HSPA12A: variants seen among roughly 807,000 people sequenced by gnomAD.
HSPA12A encodes the protein heat shock protein family A (Hsp70) member 12A.
Under a neutral mutation model 69.2 loss-of-function variants are expected in HSPA12A, and 28 were observed. The ratio of observed to expected loss-of-function variants is 0.40; its 90% CI spans 0.30 to 0.55. The LOEUF (loss-of-function observed/expected upper bound fraction) is 0.55. Ranked by LOEUF, HSPA12A falls within the 20% of genes least tolerant of loss-of-function variation. The probability of loss-of-function intolerance (pLI) is 0.38; values close to 1 mark genes in which losing one functional copy is unlikely to be tolerated. For missense variants in HSPA12A, 686 were observed against 900.7 expected, an observed-to-expected ratio of 0.76 and a Z score of 3.05; for synonymous variants, 345 against 370.5, an observed-to-expected ratio of 0.93 and a Z score of 0.79.
chr10:116,836,973 C>A (rs1313637604), intron 1 of HSPA12A, among the ~76,000 whole-genome samples: 1 of 152,106 alleles, frequency 6.6e-6, no homozygotes, highest in Non-Finnish European at 1.5e-5. Context: ...TATACACTAT[C>A]TTTATCTAGG....
intron 2 of HSPA12A, among the ~76,000 whole-genome samples, chr10:116,760,406 T>A (rs782561998): frequency 6.6e-6 from 1 of 151,984 alleles, no homozygotes; most frequent in Non-Finnish European, 1.5e-5. Context: ...GAACCCAGGA[T>A]CAAGAGTCAG....
chr10:116,716,806 T>C (rs1850620865), intron 1 of HSPA12A, among the ~76,000 whole-genome samples: 1 of 152,086 alleles, frequency 6.6e-6, no homozygotes, highest in South Asian at 2.1e-4. Flanking sequence ...GAAGTGAGAA[T>C]TGGTATTCTC....
At chr10:116,774,487 A>C (rs1844287865) in intron 2 of HSPA12A, among the ~76,000 whole-genome samples, 1 of 152,148 alleles carries the variant, frequency 6.6e-6, no homozygotes, top group African/African-American at 2.4e-5. Context: ...ACTGACCCAG[A>C]GACTCTGGGT....
chr10:116,692,522 A>G, intron 5 of HSPA12A, 55 bp from the exon 6 acceptor site: 1 of 1,415,252 alleles, frequency 7.1e-7, no homozygotes, highest in South Asian at 1.2e-5. Context: ...TTCCTGGAGC[A>G]GCCTCCTGTG....
intron 4 of HSPA12A, among the ~76,000 whole-genome samples, 157 bp from the exon 5 acceptor site, chr10:116,698,896 A>G (rs1415110668): frequency 6.6e-6 from 1 of 152,070 alleles, no homozygotes; most frequent in East Asian, 1.9e-4. Context: ...GCATCCCCCA[A>G]AATGGGGGCT....
intron 2 of HSPA12A, chr10:116,750,442 TG>T (rs1851749068): frequency 3.4e-6 from 2 of 587,262 alleles, no homozygotes; most frequent in Admixed American, 4.7e-5. Context: ...AATGATTCCC[TG>T]GTTATGATTT....
intron 1 of HSPA12A, among the ~76,000 whole-genome samples, chr10:116,714,155 A>G (rs1350587171): frequency 6.6e-6 from 1 of 151,990 alleles, no homozygotes; most frequent in Non-Finnish European, 1.5e-5. Context: ...GGATGGATGG[A>G]TGAATGGATG....
chr10:116,747,500 A>G (rs1292708042), upstream of HSPA12A, among the ~76,000 whole-genome samples: 3 of 152,230 alleles, frequency 2.0e-5, no homozygotes, highest in African/African-American at 7.2e-5. Flanking sequence ...AAACTGAGAC[A>G]AAGGTTCAGA....
intron 2 of HSPA12A, among the ~76,000 whole-genome samples, chr10:116,786,196 G>T (rs1844573512): frequency 6.6e-6 from 1 of 152,214 alleles, no homozygotes; most frequent in Admixed American, 6.5e-5. Context: ...GGAAGGCAGG[G>T]CTCCCAGGGG....
At position 116,683,770 on chromosome 10, in the gene HSPA12A, GGA is replaced by G. The variant is rs560978815; in HGVS notation, c.835+19_835+20del. Reference sequence around the variant, plus strand: ...TTGGGAAGGAAGGAGAGCAGGAGGGGGAGAGAGAGAGCAGAGGTACCCTGTGT... The same window carrying G: ...TTGGGAAGGAAGGAGAGCAGGAGGGGGAGAGAGAGCAGAGGTACCCTGTGT... On this transcript the variant is annotated intron_variant, in intron 7 of 11. Transcript: ENST00000369209. 1.1e-4 allele frequency: 164 copies of G among 1,506,622 alleles called. 1 individual carries two copies. In the East Asian group the frequency reaches 3.2e-3, roughly 29 times the overall value. The allele number at this position is 1,506,622 out of a possible 1,614,324, so 93.3% of individuals were successfully genotyped here.
intron 2 of HSPA12A, among the ~76,000 whole-genome samples, chr10:116,777,670 ATAAGCT>A (rs1233746735): frequency 1.3e-5 from 2 of 152,258 alleles, no homozygotes; most frequent in Admixed American, 1.3e-4. Context: ...ACAGACACAA[ATAAGCT>A]TAAGTGCATC....
chr10:116,678,167 C>T (rs1231388776), intron 10 of HSPA12A, among the ~76,000 whole-genome samples: 1 of 151,630 alleles, frequency 6.6e-6, no homozygotes, highest in Non-Finnish European at 1.5e-5. Flanking sequence ...GGAGCCACCC[C>T]TAATGCATTA....
At position 116,675,021 on chromosome 10, in the gene HSPA12A, C is replaced by G. The variant is rs782156729; in HGVS notation, c.1788G>C (p.Leu596=). Residue 596 remains leucine, a synonymous_variant, in exon 12 of 12, where the codon CTG becomes CTC. Transcript: ENST00000369209. The surrounding 1 kb of genome is among the most constrained non-coding windows in gnomAD (Gnocchi z 5.2). ...AGCTGTAGATGTTGATGACAATGAC[C>G]AGCTGGGAGGGCTTGGCCGGGGTGT... ...RSYTPAKPSQ[L]VIVINIYSSE... 3.1e-6 allele frequency: 5 copies of G among 1,614,166 alleles called. No individual in the cohort carries two copies.
At chr10:116,744,543 A>T (rs1301722448), upstream of HSPA12A, among the ~76,000 whole-genome samples, 1 of 152,216 alleles carries the variant, frequency 6.6e-6, no homozygotes, top group African/African-American at 2.4e-5. Context: ...CGTGAGAAGG[A>T]TGGGAGGTGA....
intron 2 of HSPA12A, among the ~76,000 whole-genome samples, chr10:116,816,643 A>T (rs1845311633): frequency 6.6e-6 from 1 of 152,178 alleles, no homozygotes; most frequent in Admixed American, 6.5e-5. Flanking sequence ...CCGACATCCA[A>T]TTCCGATGGT....
rs190912261 is a variant in HSPA12A, at chr10:116,674,173, C to T, written c.*608G>A. The T allele has an allele frequency of 1.3e-5, 2 of 153,758 alleles. No homozygotes were observed. The allele number at this position is 153,758 out of a possible 1,614,324, so 9.5% of individuals were successfully genotyped here. On this transcript the variant is annotated 3_prime_UTR_variant, in exon 12 of 12. Coordinates refer to ENST00000369209, the MANE Select transcript of HSPA12A (RefSeq NM_025015.3). Reference sequence around the variant, plus strand: ...AAGGCTACGGTTATTCTTCCCTGAACCTCCTTGCTGTTTAAATGATATGAG... The same window carrying T: ...AAGGCTACGGTTATTCTTCCCTGAATCTCCTTGCTGTTTAAATGATATGAG...
intron 2 of HSPA12A, among the ~76,000 whole-genome samples, chr10:116,817,183 T>A (rs567280636): frequency 6.6e-6 from 1 of 152,298 alleles, no homozygotes; most frequent in East Asian, 1.9e-4. Flanking sequence ...TTGCTGTTTT[T>A]TTTCCCGGGG....
intron 1 of HSPA12A, among the ~76,000 whole-genome samples, chr10:116,714,021 T>C (rs1443873730): frequency 1.3e-5 from 2 of 148,624 alleles, no homozygotes; most frequent in African/African-American, 5.0e-5. Context: ...GATAGATGGA[T>C]GGATGGATGG....
intron 2 of HSPA12A, among the ~76,000 whole-genome samples, chr10:116,812,305 T>G (rs952419592): frequency 6.6e-6 from 1 of 151,614 alleles, no homozygotes; most frequent in Non-Finnish European, 1.5e-5. Flanking sequence ...ATACAAAAAT[T>G]AGCTGGGTAT....
Sources: allele counts gnomAD v4.1 joint callset (sites outside exome capture counted in the v4.1 genomes callset), GRCh38; gene constraint gnomAD v4.1.1; non-coding constraint Gnocchi (gnomAD v3.1); transcripts MANE v1.5; gene names NCBI Gene and HGNC (gene_info 2026-07-23, HGNC 2026-07-21).